Variants in FAM168A observed in about 807,000 individuals in gnomAD.
The protein encoded by FAM168A is protein FAM168A.
A neutral mutation model predicts 28.5 loss-of-function variants in FAM168A; 3 were observed. That is an observed-to-expected ratio of 0.11 (90% CI 0.05 to 0.27). The LOEUF (loss-of-function observed/expected upper bound fraction) is 0.27. FAM168A is among the 10% of genes least tolerant of loss of function. The pLI, the probability that FAM168A is intolerant of heterozygous loss-of-function variation, is 1.00. For synonymous variants in FAM168A, 122 were observed against 124.2 expected, an observed-to-expected ratio of 0.98 and a Z score of 0.12; for missense variants, 222 against 311.5, an observed-to-expected ratio of 0.71 and a Z score of 2.16.
chr11:73,555,923 T>G (rs2134697785), intron 1 of FAM168A, among the ~76,000 whole-genome samples: 1 of 152,100 alleles, frequency 6.6e-6, no homozygotes, highest in South Asian at 2.1e-4. Context: ...ATAGTGGGCA[T>G]AAAGAAGCTG....
At chr11:73,474,047 T>C (rs1472407805) in intron 1 of FAM168A, among the ~76,000 whole-genome samples, 2 of 152,134 alleles carry the variant, frequency 1.3e-5, no homozygotes, top group South Asian at 2.1e-4. Flanking sequence ...TGACCTCAAG[T>C]GATCCACCCA....
intron 2 of FAM168A, among the ~76,000 whole-genome samples, chr11:73,439,879 CTTTT>C (rs761818483): frequency 2.1e-5 from 2 of 97,044 alleles, no homozygotes; most frequent in Non-Finnish European, 4.0e-5. Flanking sequence ...TCTCAGGTCA[CTTTT>C]TTTTTTTTTT....
intron 1 of FAM168A, among the ~76,000 whole-genome samples, chr11:73,508,074 G>A (rs1036605683): frequency 4.6e-5 from 7 of 152,106 alleles, no homozygotes; most frequent in African/African-American, 1.2e-4. Flanking sequence ...GGGTCTTAGC[G>A]TCATCTCTCT....
intron 2 of FAM168A, among the ~76,000 whole-genome samples, chr11:73,468,049 G>C (rs72970036): frequency 1.3e-5 from 2 of 152,244 alleles, no homozygotes; most frequent in Non-Finnish European, 2.9e-5. Context: ...AACATAAGCA[G>C]ATATAAATGG....
chr11:73,574,775 G>A (rs189640132), intron 1 of FAM168A, among the ~76,000 whole-genome samples: 1 of 143,226 alleles, frequency 7.0e-6, no homozygotes, highest in East Asian at 2.1e-4. Context: ...TTTTGGCCAG[G>A]CTAGTCTCAA....
intron 1 of FAM168A, among the ~76,000 whole-genome samples, chr11:73,485,752 T>TC (rs1868044861): frequency 2.0e-5 from 3 of 152,302 alleles, no homozygotes; most frequent in Admixed American, 1.3e-4. Context: ...ATAATGAGTC[T>TC]CCTACTTTGT....
At chr11:73,548,617 G>C (rs113170904) in intron 1 of FAM168A, among the ~76,000 whole-genome samples, 7 of 152,124 alleles carry the variant, frequency 4.6e-5, no homozygotes, top group East Asian at 1.9e-4. Flanking sequence ...GAGAACCCTA[G>C]ATATATTTCT....
At chr11:73,576,227 A>T (rs1356927365) in intron 1 of FAM168A, among the ~76,000 whole-genome samples, 2 of 152,200 alleles carry the variant, frequency 1.3e-5, no homozygotes, top group Non-Finnish European at 2.9e-5. Flanking sequence ...ACTGAAAAAA[A>T]CTGGCTCTGT....
At chr11:73,565,951 T>C (rs564596595) in intron 1 of FAM168A, among the ~76,000 whole-genome samples, 50 of 152,250 alleles carry the variant, frequency 3.3e-4, no homozygotes, top group African/African-American at 1.1e-3. Flanking sequence ...CAAGCTGAGA[T>C]CAAAATAGTT....
chr11:73,506,592 C>T (rs1009535681), intron 1 of FAM168A, among the ~76,000 whole-genome samples: 1 of 152,178 alleles, frequency 6.6e-6, no homozygotes, highest in African/African-American at 2.4e-5. Context: ...CTAGAAAAGT[C>T]ACTTCAACTT....
intron 1 of FAM168A, among the ~76,000 whole-genome samples, chr11:73,546,799 G>A (rs529917385): frequency 6.9e-4 from 104 of 150,988 alleles, no homozygotes; most frequent in Non-Finnish European, 1.2e-3. Flanking sequence ...TCTATATCTC[G>A]ACTGTGGTGT....
chr11:73,591,648 C>G (rs1276586250), intron 1 of FAM168A, among the ~76,000 whole-genome samples: 1 of 152,116 alleles, frequency 6.6e-6, no homozygotes. Flanking sequence ...TAGCTATGAA[C>G]AGAGGTGCAC....
intron 1 of FAM168A, among the ~76,000 whole-genome samples, chr11:73,478,579 T>C (rs1242611905): frequency 6.6e-6 from 1 of 152,230 alleles, no homozygotes; most frequent in Non-Finnish European, 1.5e-5. Flanking sequence ...CACTGTACAC[T>C]TAAAATGAGT....
intron 1 of FAM168A, among the ~76,000 whole-genome samples, chr11:73,531,055 C>T (rs573446852): frequency 6.6e-6 from 1 of 152,234 alleles, no homozygotes; most frequent in Admixed American, 6.5e-5. Flanking sequence ...AGGAGACAGA[C>T]ACTGAAACCA....
At chr11:73,521,565 T>C (rs779228930) in intron 1 of FAM168A, among the ~76,000 whole-genome samples, 16 of 152,178 alleles carry the variant, frequency 1.1e-4, no homozygotes, top group Non-Finnish European at 1.8e-4. Context: ...GGATAACTGC[T>C]CCTAATTTCC....
chr11:73,448,043 TTTTG>T (rs112310065), intron 2 of FAM168A, among the ~76,000 whole-genome samples: 2,420 of 152,112 alleles, frequency 0.016, 61 homozygotes, highest in African/African-American at 0.056. Context: ...TCAAGTTACT[TTTTG>T]TTTGTTTGTT....
intron 2 of FAM168A, among the ~76,000 whole-genome samples, chr11:73,464,509 T>C (rs903413750): frequency 6.6e-6 from 1 of 151,956 alleles, no homozygotes; most frequent in Admixed American, 6.6e-5. Context: ...ACAGGAGGAG[T>C]CAGAAAGAGC....
chr11:73,475,562 G>A (rs1867876515), intron 1 of FAM168A, among the ~76,000 whole-genome samples: 1 of 152,010 alleles, frequency 6.6e-6, no homozygotes. Flanking sequence ...AAAAGTAATA[G>A]AAGGAGGTGG....
At chr11:73,479,281 G>C (rs1867934402) in intron 1 of FAM168A, among the ~76,000 whole-genome samples, 1 of 152,212 alleles carries the variant, frequency 6.6e-6, no homozygotes, top group Admixed American at 6.5e-5. Flanking sequence ...TCTTTTACAT[G>C]AGAAAATAAA....
Sources: allele counts gnomAD v4.1 joint callset (sites outside exome capture counted in the v4.1 genomes callset), GRCh38; gene constraint gnomAD v4.1.1; transcripts MANE v1.5; gene names NCBI Gene and HGNC (gene_info 2026-07-23, HGNC 2026-07-21).